PLCB4: variants seen among roughly 807,000 people sequenced by gnomAD.
PLCB4 encodes phospholipase C beta 4, also known as 1-phosphatidylinositol 4,5-bisphosphate phosphodiesterase beta-4.
A neutral mutation model predicts 178.8 loss-of-function variants in PLCB4; 77 were observed. That is an observed-to-expected ratio of 0.43 (90% CI 0.36 to 0.52). PLCB4 has a LOEUF of 0.52. Among genes scored for constraint, PLCB4 ranks in the 20% least tolerant of loss-of-function variants. PLCB4 has a pLI of 0.00. For synonymous variants in PLCB4, 496 were observed against 490.8 expected (o/e 1.01, Z -0.14); for missense variants, 1,024 against 1,453.4 (o/e 0.70, Z 4.80).
chr20:9,411,127 G>C (rs2039827440), intron 25 of PLCB4, 39 bp downstream of exon 25: 2 of 1,361,838 alleles, frequency 1.5e-6, no homozygotes, highest in East Asian at 4.6e-5. Flanking sequence ...CCTAGATTGA[G>C]AACTCCATAC....
intron 2 of PLCB4, among the ~76,000 whole-genome samples, chr20:9,196,825 T>C (rs1190223386): frequency 6.6e-6 from 1 of 152,190 alleles, no homozygotes; most frequent in East Asian, 1.9e-4. Flanking sequence ...GGAGGTGTTA[T>C]TTTAGAAATT....
intron 2 of PLCB4, among the ~76,000 whole-genome samples, chr20:9,100,894 G>C (rs2091120735): frequency 6.6e-6 from 1 of 152,164 alleles, no homozygotes; most frequent in African/African-American, 2.4e-5. Flanking sequence ...CATCTCGACA[G>C]TGCCACAGCT....
chr20:9,314,577 T>C (rs950248594), intron 4 of PLCB4, among the ~76,000 whole-genome samples: 2 of 152,284 alleles, frequency 1.3e-5, no homozygotes, highest in East Asian at 1.9e-4. Context: ...TGTTTCTTTC[T>C]GAAATGACGA....
At chr20:9,436,734 T>G (rs2041797250) in intron 29 of PLCB4, among the ~76,000 whole-genome samples, 1 of 152,218 alleles carries the variant, frequency 6.6e-6, no homozygotes, top group Non-Finnish European at 1.5e-5. Flanking sequence ...ACACGTGGAT[T>G]GTTTCTTTGT....
At chr20:9,335,105 A>T (rs2032263789) in intron 4 of PLCB4, among the ~76,000 whole-genome samples, 1 of 152,144 alleles carries the variant, frequency 6.6e-6, no homozygotes, top group African/African-American at 2.4e-5. Flanking sequence ...CCATTTTACG[A>T]TGTACTTTTG....
chr20:9,245,654 C>T (rs2094116888), intron 3 of PLCB4, among the ~76,000 whole-genome samples: 1 of 151,958 alleles, frequency 6.6e-6, no homozygotes. Context: ...CCCCCTAGAA[C>T]CTCTGTAGGG....
chr20:9,465,960 A>T (rs1197983097), intron 35 of PLCB4, among the ~76,000 whole-genome samples: 1 of 152,234 alleles, frequency 6.6e-6, no homozygotes, highest in Non-Finnish European at 1.5e-5. Flanking sequence ...GAACCAAAAA[A>T]GAGCCCTCAT....
intron 9 of PLCB4, among the ~76,000 whole-genome samples, chr20:9,366,798 A>G (rs1234627033): frequency 2.0e-5 from 3 of 152,096 alleles, no homozygotes; most frequent in Non-Finnish European, 4.4e-5. Context: ...CCAGATGCCA[A>G]CTCTCTCTTC....
intron 17 of PLCB4, among the ~76,000 whole-genome samples, chr20:9,393,183 G>C (rs1272103760): frequency 6.6e-6 from 1 of 152,078 alleles, no homozygotes; most frequent in Non-Finnish European, 1.5e-5. Context: ...CCTGACACTT[G>C]GGGGGATCTG....
chr20:9,189,370 T>C (rs36045103), intron 2 of PLCB4, among the ~76,000 whole-genome samples: 1 of 79,242 alleles, frequency 1.3e-5, no homozygotes, highest in East Asian at 5.1e-4. Flanking sequence ...TAACTGTTCA[T>C]TGTGGAGGGC....
intron 28 of PLCB4, among the ~76,000 whole-genome samples, chr20:9,435,175 G>C (rs995690431): frequency 6.6e-6 from 1 of 152,176 alleles, no homozygotes; most frequent in African/African-American, 2.4e-5. Context: ...AGGGCAGGTG[G>C]TATCCACCCT....
intron 3 of PLCB4, among the ~76,000 whole-genome samples, chr20:9,223,168 G>A (rs117174842): frequency 0.01 from 1,541 of 152,222 alleles, 8 homozygotes; most frequent in Non-Finnish European, 0.015. Flanking sequence ...TGTTTTGGGG[G>A]AGGATTCTAG....
intron 1 of PLCB4, among the ~76,000 whole-genome samples, chr20:9,076,188 C>T (rs955362606): frequency 1.8e-4 from 27 of 152,168 alleles, no homozygotes; most frequent in Admixed American, 1.3e-4. Flanking sequence ...AACACCTGGC[C>T]GGGCGCGATG....
chr20:9,193,599 T>A (rs555511966), intron 2 of PLCB4, among the ~76,000 whole-genome samples: 39 of 152,296 alleles, frequency 2.6e-4, no homozygotes, highest in African/African-American at 9.1e-4. Context: ...GGGGCCACCA[T>A]TTTGAATAGA....
chr20:9,461,264 T>TA (rs1383109583), intron 35 of PLCB4, among the ~76,000 whole-genome samples: 1 of 152,208 alleles, frequency 6.6e-6, no homozygotes, highest in Admixed American at 6.5e-5. Flanking sequence ...TAAAATACTT[T>TA]AAAAAATAAA....
chr20:9,288,055 T>C (rs992374289), intron 3 of PLCB4, among the ~76,000 whole-genome samples: 2 of 152,112 alleles, frequency 1.3e-5, no homozygotes, highest in African/African-American at 4.8e-5. Context: ...TGAGGTTTCT[T>C]GGCCTATGTT....
At chr20:9,176,374 G>A (rs1446666597) in intron 2 of PLCB4, among the ~76,000 whole-genome samples, 1 of 152,166 alleles carries the variant, frequency 6.6e-6, no homozygotes, top group African/African-American at 2.4e-5. Context: ...GAATGGCTGG[G>A]TGAGGTGGTA....
intron 2 of PLCB4, among the ~76,000 whole-genome samples, chr20:9,216,186 CT>C (rs1038307605): frequency 4.6e-4 from 67 of 145,964 alleles, no homozygotes; most frequent in South Asian, 8.7e-4. Flanking sequence ...TTGTGTACTT[CT>C]TTTTTTTTTT....
Position 9,235,823 on chromosome 20 carries a change from A to G in PLCB4, c.-16+18371A>G, listed in dbSNP as rs1157609126. Among the ~76,000 whole-genome samples the G allele has an allele frequency of 5.9e-5, 9 of 152,336 alleles. No individual in the cohort carries two copies. In the East Asian group the frequency reaches 1.7e-3, roughly 29 times the overall value. On this transcript the variant is annotated intron_variant, in intron 3 of 39. Transcript: ENST00000378473. ...CACAGTCATTGTTTTTGGCATCTTC[A>G]CGAGTGGTCTGGATTTTGTTATTAA...
Sources: gnomAD v4.1 joint callset for allele counts (sites outside exome capture counted in the v4.1 genomes callset) on GRCh38, gnomAD v4.1.1 for gene constraint, MANE v1.5 for transcripts, NCBI Gene and HGNC (gene_info 2026-07-23, HGNC 2026-07-21) for gene names.